PTPRD: variants seen among roughly 807,000 people sequenced by gnomAD.
PTPRD encodes the protein protein tyrosine phosphatase receptor type D.
PTPRD carries 34 observed loss-of-function variants against 214.5 expected under a neutral mutation model. That is an observed-to-expected ratio of 0.16 (90% CI 0.12 to 0.21). The LOEUF (loss-of-function observed/expected upper bound fraction) is 0.21. Ranked by LOEUF, PTPRD falls within the 10% of genes least tolerant of loss-of-function variation. PTPRD has a pLI of 1.00. For synonymous variants in PTPRD, 1,128 were observed against 845.7 expected (o/e 1.33, Z -5.79); for missense variants, 2,545 against 2,398.7 (o/e 1.06, Z -1.27).
At chr9:9,050,746 C>T (rs1484977391) in intron 10 of PTPRD, among the ~76,000 whole-genome samples, 1 of 152,006 alleles carries the variant, frequency 6.6e-6, no homozygotes, top group Non-Finnish European at 1.5e-5. Context: ...TATTATAACG[C>T]TTGTGTTCAA....
intron 7 of PTPRD, among the ~76,000 whole-genome samples, chr9:9,629,452 T>C (rs2095523126): frequency 6.6e-6 from 1 of 152,114 alleles, no homozygotes; most frequent in South Asian, 2.1e-4. Flanking sequence ...TGTCTTTGAA[T>C]CTTTATTACT....
chr9:8,834,762 T>C (rs2097375767), intron 11 of PTPRD, among the ~76,000 whole-genome samples: 1 of 152,190 alleles, frequency 6.6e-6, no homozygotes, highest in Non-Finnish European at 1.5e-5. Flanking sequence ...AGCTGGAACA[T>C]GTAAAGACAA....
At chr9:9,160,304 A>G (rs2099885481) in intron 10 of PTPRD, among the ~76,000 whole-genome samples, 3 of 152,178 alleles carry the variant, frequency 2.0e-5, no homozygotes, top group African/African-American at 7.2e-5. Flanking sequence ...TGATAAGCCA[A>G]AAATATATAA....
In PTPRD at chr9:9,323,244, A is replaced by T. The variant is rs75736463; in HGVS notation, c.-203+74205T>A. On this transcript the variant is annotated intron_variant, in intron 9 of 45. Coordinates refer to ENST00000381196, the MANE Select transcript of PTPRD (RefSeq NM_002839.4). ...GAGAAAAAATCATTGGTTTTATTTTAAAAAAGACAAAGACAAGACTTCATA... is the reference window on the plus strand; with the variant it reads ...GAGAAAAAATCATTGGTTTTATTTTTAAAAAGACAAAGACAAGACTTCATA... 3.6e-3 allele frequency among the ~76,000 whole-genome samples: 542 copies of T among 151,906 alleles called. 9 individuals carry two copies. The highest frequency in any genetic ancestry group is 0.013 in the African/African-American group (522 of 41,226).
At chr9:9,213,160 A>G (rs1255097119) in intron 9 of PTPRD, among the ~76,000 whole-genome samples, 2 of 152,128 alleles carry the variant, frequency 1.3e-5, no homozygotes, top group African/African-American at 4.8e-5. Context: ...ATACCACTAT[A>G]TTCAGTGGTT....
At chr9:9,420,576 C>CAGATAGTTAT in intron 8 of PTPRD, among the ~76,000 whole-genome samples, 1 of 151,954 alleles carries the variant, frequency 6.6e-6, no homozygotes, top group Admixed American at 6.6e-5. Context: ...GAAAACAGTT[C>CAGATAGTTAT]AGATAGTTAT....
At chr9:8,352,846 C>G (rs1028564027) in intron 39 of PTPRD, among the ~76,000 whole-genome samples, 3 of 152,192 alleles carry the variant, frequency 2.0e-5, no homozygotes, top group Admixed American at 2.0e-4. Flanking sequence ...GGCATGGTGG[C>G]TCATGCCTGT....
At chr9:8,695,393 C>T (rs537369199) in intron 12 of PTPRD, among the ~76,000 whole-genome samples, 2 of 152,034 alleles carry the variant, frequency 1.3e-5, no homozygotes, top group East Asian at 3.9e-4. Flanking sequence ...GCCCCACCCC[C>T]GCACCCCCAC....
At chr9:8,535,788 A>T (rs2076786845) in intron 14 of PTPRD, among the ~76,000 whole-genome samples, 1 of 151,996 alleles carries the variant, frequency 6.6e-6, no homozygotes, top group Non-Finnish European at 1.5e-5. Flanking sequence ...ATATAAATCA[A>T]GAAACACCTC....
intron 6 of PTPRD, among the ~76,000 whole-genome samples, chr9:9,739,838 T>G (rs1051372220): frequency 6.6e-6 from 1 of 152,118 alleles, no homozygotes; most frequent in African/African-American, 2.4e-5. Flanking sequence ...TATATATGTG[T>G]GTAAATTACA....
At chr9:8,603,520 G>A (rs930183435) in intron 14 of PTPRD, among the ~76,000 whole-genome samples, 3 of 151,996 alleles carry the variant, frequency 2.0e-5, no homozygotes, top group African/African-American at 4.8e-5. Flanking sequence ...TTCCTATAAC[G>A]TGAATAAAAA....
At chr9:10,603,597 C>A (rs1470254426) in intron 2 of PTPRD, among the ~76,000 whole-genome samples, 3 of 151,750 alleles carry the variant, frequency 2.0e-5, no homozygotes, top group African/African-American at 7.3e-5. Context: ...ATTTATAAAT[C>A]AAAGATAATG....
intron 10 of PTPRD, among the ~76,000 whole-genome samples, chr9:9,022,684 C>T (rs1029334747): frequency 6.6e-6 from 1 of 152,116 alleles, no homozygotes; most frequent in Non-Finnish European, 1.5e-5. Flanking sequence ...CTGTATAGAG[C>T]TTTGCTAAGA....
chr9:8,861,155 G>T lies in PTPRD; in HGVS notation c.-103-127209C>A, dbSNP rs1453700225. 2 of 152,302 alleles carry T rather than the reference G, an allele frequency of 1.3e-5. 1 individual carries two copies. Among genetic ancestry groups the T allele is most frequent in the South Asian group, 4.1e-4 (2 of 4,820 alleles). The allele number at this position is 152,302 out of a possible 1,614,324, so 9.4% of individuals were successfully genotyped here. The stretch of plus-strand genomic sequence containing the variant: ...TTTTGGACCCCATCCAAAGGAGTTA[G>T]TTCCTAGAAGTACTTGGAAGATTTA... On this transcript the variant is annotated intron_variant, in intron 11 of 45. Coordinates refer to ENST00000381196, the MANE Select transcript of PTPRD (RefSeq NM_002839.4).
chr9:9,962,536 C>T lies in PTPRD; in HGVS notation c.-471-23926G>A, dbSNP rs2094435262. On this transcript the variant is annotated intron_variant, in intron 4 of 45. Transcript: ENST00000381196. ...ATTAAGCCATTAAGCCATTAAGCCA[C>T]AGTCAATATTTAGAAAATTGCCTCT... 3.3e-5 allele frequency among the ~76,000 whole-genome samples: 5 copies of T among 152,178 alleles called. No individual in the cohort carries two copies. The South Asian group carries it at 8.3e-4, about 25-fold the overall frequency.
rs1242695936 is a variant in PTPRD, at chr9:10,347,877, G to C, written c.-599-6860C>G. Among the ~76,000 whole-genome samples, 13 of 152,072 alleles carry C rather than the reference G, an allele frequency of 8.5e-5. No individual in the cohort carries two copies. The East Asian group carries it at 1.6e-3, about 18-fold the overall frequency. On this transcript the variant is annotated intron_variant, in intron 2 of 45. Transcript: ENST00000381196. Reference sequence around the variant, plus strand: ...GTTTGAGACCAGCCTGGCCAACATAGGGAAAACCTATCTCTACTAAAAATA... The same window carrying C: ...GTTTGAGACCAGCCTGGCCAACATACGGAAAACCTATCTCTACTAAAAATA...
intron 5 of PTPRD, among the ~76,000 whole-genome samples, chr9:9,796,022 A>T (rs1193487076): frequency 6.6e-6 from 1 of 152,176 alleles, no homozygotes; most frequent in Non-Finnish European, 1.5e-5. Context: ...GAATTATATT[A>T]AGAAAAAGAT....
chr9:8,678,782 A>G (rs1213691020), intron 12 of PTPRD, among the ~76,000 whole-genome samples: 1 of 152,204 alleles, frequency 6.6e-6, no homozygotes, highest in Non-Finnish European at 1.5e-5. Flanking sequence ...ATACATAAAA[A>G]CACAGAACAC....
At chr9:10,397,648 A>G (rs1250188034) in intron 2 of PTPRD, among the ~76,000 whole-genome samples, 1 of 152,042 alleles carries the variant, frequency 6.6e-6, no homozygotes, top group South Asian at 2.1e-4. Flanking sequence ...TTTAATACAC[A>G]AATACTTACC....
Sources: gnomAD v4.1 joint callset for allele counts (sites outside exome capture counted in the v4.1 genomes callset) on GRCh38, gnomAD v4.1.1 for gene constraint, MANE v1.5 for transcripts, NCBI Gene and HGNC (gene_info 2026-07-23, HGNC 2026-07-21) for gene names.